Variants in TM4SF20 observed in about 807,000 individuals in gnomAD.
TM4SF20 encodes transmembrane 4 L6 family member 20.
A neutral mutation model predicts 15.1 loss-of-function variants in TM4SF20; 13 were observed. The observed-to-expected ratio is 0.86, with a 90% CI of 0.56 to 1.36. TM4SF20 has a LOEUF of 1.36. Ranked by LOEUF, TM4SF20 falls within the 40% of genes most tolerant of loss-of-function variation. The probability of loss-of-function intolerance (pLI) is 0.00; values close to 1 mark genes in which losing one functional copy is unlikely to be tolerated. For synonymous variants in TM4SF20, 92 were observed against 96.6 expected (o/e 0.95, Z 0.28); for missense variants, 282 against 268.4 (o/e 1.05, Z -0.35).
At chr2:227,367,255 G>A (rs35902130) in intron 2 of TM4SF20, among the ~76,000 whole-genome samples, 44,430 of 152,106 alleles carry the variant, frequency 0.29, 7,393 homozygotes, top group South Asian at 0.48. Flanking sequence ...ATAACCCGCC[G>A]GTTGAGAGCC....
intron 3 of TM4SF20, among the ~76,000 whole-genome samples, chr2:227,364,600 T>C (rs748649655): frequency 3.3e-5 from 5 of 152,210 alleles, no homozygotes; most frequent in Non-Finnish European, 7.3e-5. Context: ...TAAAATGGAA[T>C]GTTCTTAGGG....
chr2:227,380,987 C>T (rs1161110785), upstream of TM4SF20, among the ~76,000 whole-genome samples: 3 of 152,100 alleles, frequency 2.0e-5, no homozygotes, highest in African/African-American at 7.2e-5. Context: ...AAATAACCCA[C>T]CTATTGGCTG....
In TM4SF20 at chr2:227,379,302, G is replaced by A. The variant is rs753360083; in HGVS notation, c.-34C>T. 4 of 1,597,438 alleles carry A rather than the reference G, an allele frequency of 2.5e-6. No homozygotes were observed. The highest frequency in any genetic ancestry group is 3.4e-6 in the Non-Finnish European group (4 of 1,167,424). ...CTGGCTCAGAAACGTTGTCAAAGTG[G>A]CTATGCTTGCATGGTACTATGTTGC... On this transcript the variant is annotated 5_prime_UTR_variant, in exon 1 of 4. Coordinates refer to ENST00000304568, the MANE Select transcript of TM4SF20 (RefSeq NM_024795.4).
At position 227,379,280 on chromosome 2, in the gene TM4SF20, G is replaced by A; in HGVS notation, c.-12C>T. 17 of 1,611,122 alleles carry A rather than the reference G, an allele frequency of 1.1e-5. No homozygotes were observed. Among genetic ancestry groups the A allele is most frequent in the Non-Finnish European group, 1.4e-5 (17 of 1,178,162 alleles). The stretch of plus-strand genomic sequence containing the variant: ...TCGCAGCAGGTCATGGTCACCCCTG[G>A]CTCAGAAACGTTGTCAAAGTGGCTA... On this transcript the variant is annotated 5_prime_UTR_variant, in exon 1 of 4. Transcript: ENST00000304568.
At chr2:227,378,977 T>A (rs981206085) in intron 1 of TM4SF20, 109 bp downstream of exon 1, 47 of 1,120,134 alleles carry the variant, frequency 4.2e-5, no homozygotes, top group Non-Finnish European at 5.2e-5. Context: ...TGCTCCAAAT[T>A]TTATCATAAG....
rs1470429926 is a variant in TM4SF20, at chr2:227,363,018, C to G, written c.*706G>C. 1 of 152,080 alleles carries G rather than the reference C, an allele frequency of 6.6e-6. No individual in the cohort carries two copies. Among genetic ancestry groups the G allele is most frequent in the Non-Finnish European group, 1.5e-5 (1 of 68,034 alleles). The allele number at this position is 152,080 out of a possible 1,614,324, so 9.4% of individuals were successfully genotyped here. ...ATTGGGCCATTCTGTGCCCGCTGAC[C>G]CACTTTTTGGATTTGTCCTAGTGTT... On this transcript the variant is annotated 3_prime_UTR_variant, in exon 4 of 4. Coordinates refer to ENST00000304568, the MANE Select transcript of TM4SF20 (RefSeq NM_024795.4).
chr2:227,369,973 A>C (rs1227783325), intron 2 of TM4SF20, among the ~76,000 whole-genome samples: 4 of 152,202 alleles, frequency 2.6e-5, no homozygotes, highest in African/African-American at 7.2e-5. Flanking sequence ...TTCGTCAATC[A>C]AACACACTTC....
intron 1 of TM4SF20, among the ~76,000 whole-genome samples, chr2:227,378,440 T>C (rs556407378): frequency 6.6e-6 from 1 of 152,232 alleles, no homozygotes; most frequent in South Asian, 2.1e-4. Flanking sequence ...AGTTCCATCC[T>C]GCACTGCTCT....
rs1051010224 is a variant in TM4SF20 at position 227,362,764 on chromosome 2, G to A, written c.*960C>T. ...TTCCAAAATCCAAAAAAATGTGAAA[G>A]CCAAAACACTTCTGATCTTAATCAT... is the stretch of plus-strand genomic sequence containing the variant. On this transcript the variant is annotated 3_prime_UTR_variant, in exon 4 of 4. Coordinates refer to ENST00000304568, the MANE Select transcript of TM4SF20 (RefSeq NM_024795.4). 1 of 152,148 alleles carries A rather than the reference G, an allele frequency of 6.6e-6. No homozygotes were observed. Among genetic ancestry groups the A allele is most frequent in the Non-Finnish European group, 1.5e-5 (1 of 68,028 alleles). The allele number at this position is 152,148 out of a possible 1,614,324, so 9.4% of individuals were successfully genotyped here. A position where few individuals can be genotyped will look rare whatever the true frequency, so the allele number is the denominator to read the frequency against.
Position 227,379,084 on chromosome 2 carries a change from A to C in TM4SF20, c.183+2T>G, listed in dbSNP as rs746647562. ...ACATCAAGTCAAATAAATATCACTCACCATCAGACCTGCTCCTATAATTCC... is the reference window on the plus strand; with the variant it reads ...ACATCAAGTCAAATAAATATCACTCCCCATCAGACCTGCTCCTATAATTCC... On this transcript the variant is annotated splice_donor_variant, in intron 1 of 3. Transcript: ENST00000304568. LOFTEE classifies it high-confidence loss of function. The C allele has an allele frequency of 6.2e-7, 1 of 1,613,356 alleles. No individual in the cohort carries two copies. The highest frequency in any genetic ancestry group is 8.5e-7 in the Non-Finnish European group (1 of 1,179,742).
chr2:227,374,052 T>G (rs954467598), intron 1 of TM4SF20, among the ~76,000 whole-genome samples: 3 of 136,790 alleles, frequency 2.2e-5, no homozygotes, highest in African/African-American at 8.2e-5. Context: ...AAAGTGCAAG[T>G]GTACTCCAGC....
chr2:227,374,687 A>G (rs2076438539), intron 1 of TM4SF20, among the ~76,000 whole-genome samples: 1 of 152,172 alleles, frequency 6.6e-6, no homozygotes, highest in Non-Finnish European at 1.5e-5. Context: ...AAGTGTGGAA[A>G]AACTTCAGAC....
chr2:227,378,727 A>G (rs564381358), intron 1 of TM4SF20, among the ~76,000 whole-genome samples: 119 of 152,296 alleles, frequency 7.8e-4, no homozygotes, highest in African/African-American at 2.7e-3. Context: ...TTCTGTAAAT[A>G]CTTAGAGACT....
chr2:227,368,335 T>TA (rs1553786651), intron 2 of TM4SF20, among the ~76,000 whole-genome samples: 31 of 122,702 alleles, frequency 2.5e-4, no homozygotes, highest in African/African-American at 5.0e-4. Context: ...CATCTATTAT[T>TA]TATATATATA....
In TM4SF20 at chr2:227,362,378, G is replaced by T. The variant is rs4428010; in HGVS notation, c.*1346C>A. The T allele has an allele frequency of 9.1e-4, 139 of 152,034 alleles. No homozygotes were observed. Among genetic ancestry groups the T allele is most frequent in the African/African-American group, 3.2e-3 (131 of 41,452 alleles). The allele number at this position is 152,034 out of a possible 1,614,324, so 9.4% of individuals were successfully genotyped here. On this transcript the variant is annotated 3_prime_UTR_variant, in exon 4 of 4. Coordinates refer to ENST00000304568, the MANE Select transcript of TM4SF20 (RefSeq NM_024795.4). Reference sequence around the variant, plus strand: ...TAAATATAACAGTAAACATCTCCCCGTTGCTTTTGGTTGAAGTAATTTTAA... The same window carrying T: ...TAAATATAACAGTAAACATCTCCCCTTTGCTTTTGGTTGAAGTAATTTTAA...
At chr2:227,376,425 A>G (rs1280645642) in intron 1 of TM4SF20, among the ~76,000 whole-genome samples, 1 of 152,254 alleles carries the variant, frequency 6.6e-6, no homozygotes, top group Non-Finnish European at 1.5e-5. Context: ...GATCATGAAA[A>G]TATACCTGTA....
intron 2 of TM4SF20, among the ~76,000 whole-genome samples, chr2:227,367,141 A>C (rs2076397245): frequency 6.6e-6 from 1 of 152,164 alleles, no homozygotes; most frequent in Non-Finnish European, 1.5e-5. Context: ...ACTAGATGCC[A>C]ATATCATCCC....
At chr2:227,375,928 TTA>T (rs967560344) in intron 1 of TM4SF20, among the ~76,000 whole-genome samples, 12 of 152,228 alleles carry the variant, frequency 7.9e-5, no homozygotes, top group Admixed American at 1.3e-4. Flanking sequence ...GCCTTTCTGT[TTA>T]TATGTTTTCA....
chr2:227,368,374 G>A (rs1365324134), intron 2 of TM4SF20, among the ~76,000 whole-genome samples: 4 of 123,578 alleles, frequency 3.2e-5, no homozygotes, highest in East Asian at 2.3e-4. Flanking sequence ...TTTTTGAGAC[G>A]GAGCCTTTCT....
Sources: gnomAD v4.1 joint callset for allele counts (sites outside exome capture counted in the v4.1 genomes callset) on GRCh38, gnomAD v4.1.1 for gene constraint, MANE v1.5 for transcripts, NCBI Gene and HGNC (gene_info 2026-07-23, HGNC 2026-07-21) for gene names.